Variants in DLG2 observed in about 807,000 individuals in gnomAD.
DLG2 encodes the protein disks large homolog 2.
DLG2 carries 45 observed loss-of-function variants against 132.5 expected under a neutral mutation model. The ratio of observed to expected loss-of-function variants is 0.34; its 90% CI spans 0.27 to 0.44. The LOEUF is 0.44. DLG2 is among the 20% of genes least tolerant of loss of function. DLG2 has a pLI of 1.00. For missense variants in DLG2, 1,045 were observed against 1,196.9 expected (o/e 0.87, Z 1.87); for synonymous variants, 424 against 419.6 (o/e 1.01, Z -0.13).
At chr11:85,117,721 T>C (rs2073827627) in intron 5 of DLG2, among the ~76,000 whole-genome samples, 1 of 151,858 alleles carries the variant, frequency 6.6e-6, no homozygotes, top group Non-Finnish European at 1.5e-5. Flanking sequence ...ATGTCCTGTC[T>C]GAAGACCCCA....
intron 7 of DLG2, among the ~76,000 whole-genome samples, chr11:84,266,375 G>A (rs115244791): frequency 3.0e-4 from 46 of 152,240 alleles, no homozygotes; most frequent in African/African-American, 1.1e-3. Flanking sequence ...TATCCAGGTC[G>A]CTTCTGGTGT....
At chr11:83,978,162 T>C (rs909642418) in intron 12 of DLG2, among the ~76,000 whole-genome samples, 6 of 151,980 alleles carry the variant, frequency 3.9e-5, no homozygotes, top group African/African-American at 1.4e-4. Context: ...ACAGAATTAT[T>C]TGGAGCAAGT....
chr11:84,439,481 C>G (rs936270353), intron 7 of DLG2, among the ~76,000 whole-genome samples: 1 of 151,596 alleles, frequency 6.6e-6, no homozygotes, highest in South Asian at 2.1e-4. Context: ...TTTGGTTTTT[C>G]CATTAGCTAT....
At chr11:84,482,338 G>A (rs186916896) in intron 7 of DLG2, among the ~76,000 whole-genome samples, 203 of 152,186 alleles carry the variant, frequency 1.3e-3, no homozygotes, top group Admixed American at 4.2e-3. Context: ...AGAATGTCTT[G>A]GTATTCTCAT....
intron 6 of DLG2, among the ~76,000 whole-genome samples, chr11:84,908,719 T>TC (rs2091786999): frequency 6.6e-6 from 1 of 151,850 alleles, no homozygotes; most frequent in Non-Finnish European, 1.5e-5. Flanking sequence ...AATCAGATTT[T>TC]TTTTATGTAT....
At chr11:85,055,325 G>A (rs931470519) in intron 6 of DLG2, among the ~76,000 whole-genome samples, 2 of 152,158 alleles carry the variant, frequency 1.3e-5, no homozygotes, top group Non-Finnish European at 2.9e-5. Flanking sequence ...CTCTTGCTAA[G>A]AACAACTCAA....
intron 16 of DLG2, among the ~76,000 whole-genome samples, chr11:83,873,112 C>T (rs914127560): frequency 1.3e-5 from 2 of 152,140 alleles, no homozygotes; most frequent in Admixed American, 1.3e-4. Flanking sequence ...AAAGTCTTTT[C>T]GTACCACATT....
intron 19 of DLG2, among the ~76,000 whole-genome samples, chr11:83,544,882 A>G (rs898910283): frequency 9.2e-5 from 14 of 152,086 alleles, no homozygotes; most frequent in African/African-American, 3.4e-4. Context: ...ATGTGGCTCA[A>G]TTTCCCCACT....
chr11:84,472,465 G>C (rs1296892139), intron 7 of DLG2, among the ~76,000 whole-genome samples: 5 of 151,902 alleles, frequency 3.3e-5, no homozygotes, highest in Non-Finnish European at 5.9e-5. Flanking sequence ...TAATATGTCA[G>C]ATTTTGGCAC....
At chr11:84,239,101 T>A (rs1047376110) in intron 8 of DLG2, among the ~76,000 whole-genome samples, 2 of 152,164 alleles carry the variant, frequency 1.3e-5, no homozygotes, top group Admixed American at 6.5e-5. Flanking sequence ...AACAATTGAG[T>A]GTAACATTGA....
intron 6 of DLG2, among the ~76,000 whole-genome samples, chr11:85,073,086 TATC>T (rs1265694097): frequency 1.3e-5 from 2 of 151,910 alleles, no homozygotes; most frequent in African/African-American, 4.8e-5. Context: ...AAACACATTT[TATC>T]ATATTAAACA....
In DLG2 at chr11:83,877,474, CA is replaced by C. The variant is rs1178373387; in HGVS notation, c.1497-2987del. On this transcript the variant is annotated intron_variant, in intron 15 of 27. Transcript: ENST00000376104. ...TCATTAGCTCAGCCCAAAATTAAAA[CA>C]AAAAAAATTCAGTAATCTCACTTCA... Among the ~76,000 whole-genome samples, 61 of 151,930 alleles carry C rather than the reference CA, an allele frequency of 4.0e-4. 1 individual carries two copies. The highest frequency in any genetic ancestry group is 7.7e-4 in the Non-Finnish European group (52 of 67,898).
chr11:84,689,850 T>G, intron 6 of DLG2, among the ~76,000 whole-genome samples: 1 of 151,348 alleles, frequency 6.6e-6, no homozygotes, highest in African/African-American at 2.4e-5. Context: ...ATGCACATAA[T>G]TAAGATAAAG....
At chr11:84,004,102 C>G (rs2094471912) in intron 11 of DLG2, among the ~76,000 whole-genome samples, 1 of 151,994 alleles carries the variant, frequency 6.6e-6, no homozygotes, top group Admixed American at 6.6e-5. Flanking sequence ...GACCAGTATT[C>G]CCTGATACCA....
chr11:85,074,100 G>A (rs997006901), intron 6 of DLG2, among the ~76,000 whole-genome samples: 2 of 151,860 alleles, frequency 1.3e-5, no homozygotes, highest in African/African-American at 4.8e-5. Flanking sequence ...TGAGTGTGGA[G>A]AGTAGGAGGA....
Position 84,951,658 on chromosome 11 carries a change from C to CTA in DLG2, c.357+160001_357+160002dup, listed in dbSNP as rs563048967. Among the ~76,000 whole-genome samples, 25 of 148,508 alleles carry CTA rather than the reference C, an allele frequency of 1.7e-4. 1 individual carries two copies. The highest frequency in any genetic ancestry group is 1.5e-3 in the South Asian group (7 of 4,722). Reference sequence around the variant, plus strand: ...ATATATATACACATATATATGCATTCTATATATATATACACACACATATAT... The same window carrying CTA: ...ATATATATACACATATATATGCATTCTATATATATATATACACACACATATAT... On this transcript the variant is annotated intron_variant, in intron 6 of 27. Coordinates refer to ENST00000376104, the MANE Select transcript of DLG2 (RefSeq NM_001142699.3).
intron 16 of DLG2, among the ~76,000 whole-genome samples, chr11:83,871,455 A>G (rs2063423712): frequency 6.6e-6 from 1 of 152,218 alleles, no homozygotes; most frequent in Non-Finnish European, 1.5e-5. Flanking sequence ...CTTTTAAACT[A>G]CATTCATTTA....
At chr11:85,179,152 G>A (rs553774694) in intron 4 of DLG2, among the ~76,000 whole-genome samples, 8 of 151,970 alleles carry the variant, frequency 5.3e-5, no homozygotes, top group African/African-American at 1.4e-4. Flanking sequence ...TAATTAAGCA[G>A]AGAAACCAAA....
At chr11:85,215,813 G>A (rs2082552657) in intron 4 of DLG2, among the ~76,000 whole-genome samples, 1 of 152,024 alleles carries the variant, frequency 6.6e-6, no homozygotes, top group African/African-American at 2.4e-5. Context: ...AAACTTGTTT[G>A]TTTTTCTCTT....
Sources: allele counts gnomAD v4.1 joint callset (sites outside exome capture counted in the v4.1 genomes callset), GRCh38; gene constraint gnomAD v4.1.1; transcripts MANE v1.5; gene names NCBI Gene and HGNC (gene_info 2026-07-23, HGNC 2026-07-21).